Variants in EPSTI1 observed in about 807,000 individuals in gnomAD.
EPSTI1 encodes epithelial stromal interaction 1.
Under a neutral mutation model 49.9 loss-of-function variants are expected in EPSTI1, and 66 were observed. That is an observed-to-expected ratio of 1.32 (90% confidence interval 1.08 to 1.62). The LOEUF (loss-of-function observed/expected upper bound fraction) is 1.62. Ranked by LOEUF, EPSTI1 falls within the 40% of genes most tolerant of loss-of-function variation. The pLI, the probability that EPSTI1 is intolerant of heterozygous loss-of-function variation, is 0.00. For synonymous variants in EPSTI1, 137 were observed against 130.7 expected, an observed-to-expected ratio of 1.05 and a Z score of -0.33; for missense variants, 394 against 365.5, an observed-to-expected ratio of 1.08 and a Z score of -0.64.
At position 42,922,719 on chromosome 13, in the gene EPSTI1, T is replaced by G. The variant is rs762512505; in HGVS notation, c.657+3617A>C. Among the ~76,000 whole-genome samples the G allele has an allele frequency of 5.3e-5, 8 of 152,094 alleles. No homozygotes were observed. Among genetic ancestry groups the G allele is most frequent in the Non-Finnish European group, 1.0e-4 (7 of 68,014 alleles). ...GCAAAGGGACACATGTTAAGTACTT[T>G]ATTTGACTTCTTAATGAATGAGCAT... On this transcript the variant is annotated intron_variant, in intron 7 of 10. Transcript: ENST00000313624. This position sits in a 1 kb window ranked among gnomAD's most constrained non-coding sequence, Gnocchi z 4.8.
intron 8 of EPSTI1, among the ~76,000 whole-genome samples, chr13:42,915,249 T>C (rs954053561): frequency 6.6e-6 from 1 of 152,198 alleles, no homozygotes; most frequent in Non-Finnish European, 1.5e-5. Flanking sequence ...GAAATGCCTT[T>C]GGCCAGGTGC....
intron 4 of EPSTI1, 95 bp downstream of exon 4, chr13:42,963,971 C>A (rs2039534680): frequency 8.8e-7 from 1 of 1,131,314 alleles, no homozygotes; most frequent in Admixed American, 2.7e-5. Flanking sequence ...AGGTTTTATA[C>A]TTTTGGTAAA....
At chr13:42,986,855 G>A (rs534954061) in intron 1 of EPSTI1, among the ~76,000 whole-genome samples, 26 of 151,062 alleles carry the variant, frequency 1.7e-4, no homozygotes, top group Admixed American at 7.3e-4. Flanking sequence ...AATCAATTAT[G>A]CCTAGGTAAT....
chr13:42,889,089 T>C, intron 10 of EPSTI1: 1 of 792,960 alleles, frequency 1.3e-6, no homozygotes, highest in Non-Finnish European at 2.1e-6. Context: ...GCCTCATTGG[T>C]CATAGGAAAT....
At chr13:42,987,184 T>C (rs1262768035) in intron 1 of EPSTI1, among the ~76,000 whole-genome samples, 1 of 152,076 alleles carries the variant, frequency 6.6e-6, no homozygotes, top group Non-Finnish European at 1.5e-5. Flanking sequence ...GGAGACTCCA[T>C]TTGCAGCTAG....
intron 6 of EPSTI1, among the ~76,000 whole-genome samples, chr13:42,932,969 T>A (rs1255615469): frequency 1.3e-5 from 2 of 152,176 alleles, no homozygotes; most frequent in African/African-American, 2.4e-5. Context: ...AAAGTAACTA[T>A]CCATTACCCA....
At chr13:42,955,877 T>TTG (rs372278878) in intron 5 of EPSTI1, among the ~76,000 whole-genome samples, 1,917 of 105,424 alleles carry the variant, frequency 0.018, 134 homozygotes, top group African/African-American at 0.079. Context: ...AAGAAGTATT[T>TTG]GGGGGGGGGG....
At chr13:42,934,470 T>C (rs531589389) in intron 6 of EPSTI1, 1 of 152,762 alleles carries the variant, frequency 6.5e-6, no homozygotes, top group Non-Finnish European at 1.5e-5. Flanking sequence ...GCCATGGCCA[T>C]TGTGAGCACT....
At chr13:42,894,758 A>T (rs1468645842) in intron 10 of EPSTI1, among the ~76,000 whole-genome samples, 2 of 151,654 alleles carry the variant, frequency 1.3e-5, no homozygotes, top group African/African-American at 4.9e-5. Context: ...CCAGGCAATC[A>T]TGCTGAGAAC....
At chr13:42,924,460 G>C (rs1199386528) in intron 7 of EPSTI1, among the ~76,000 whole-genome samples, 18 of 152,164 alleles carry the variant, frequency 1.2e-4, no homozygotes, top group Admixed American at 1.2e-3. Flanking sequence ...AATCAATAGA[G>C]CAGCACACGC....
rs527708132 is a variant in EPSTI1 at position 42,903,963 on chromosome 13, C to T, written c.742-3580G>A. ...ACTGTTAATGAATGTTTAGGATATGCATAGGCTAATTCAATTTTCATTTAT... is the reference window on the plus strand; with the variant it reads ...ACTGTTAATGAATGTTTAGGATATGTATAGGCTAATTCAATTTTCATTTAT... On this transcript the variant is annotated intron_variant, in intron 8 of 10. Coordinates refer to ENST00000313624, the MANE Select transcript of EPSTI1 (RefSeq NM_033255.5). Among the ~76,000 whole-genome samples the T allele has an allele frequency of 4.6e-5, 7 of 152,274 alleles. 1 individual carries two copies. In the South Asian group the frequency reaches 1.2e-3, roughly 27 times the overall value.
At chr13:42,914,533 C>T (rs2037776812) in intron 8 of EPSTI1, among the ~76,000 whole-genome samples, 2 of 152,056 alleles carry the variant, frequency 1.3e-5, no homozygotes, top group Admixed American at 1.3e-4. Context: ...ACTGTATGTT[C>T]AGAAGGGATT....
intron 1 of EPSTI1, among the ~76,000 whole-genome samples, chr13:42,983,891 TAGTCTCTC>T (rs2040033399): frequency 6.6e-6 from 1 of 152,232 alleles, no homozygotes; most frequent in Non-Finnish European, 1.5e-5. Context: ...ATTTTGGTTT[TAGTCTCTC>T]AGGGGTACCC....
intron 10 of EPSTI1, chr13:42,889,273 T>C: frequency 1.5e-6 from 2 of 1,319,846 alleles, no homozygotes; most frequent in Non-Finnish European, 2.1e-6. Context: ...ATTTTTTACA[T>C]ATAAAAGCAA....
chr13:42,898,629 T>G (rs2037265115), intron 9 of EPSTI1, among the ~76,000 whole-genome samples: 1 of 63,442 alleles, frequency 1.6e-5, no homozygotes, highest in African/African-American at 4.8e-5. Flanking sequence ...TATTTAGGTA[T>G]TCAGTAGTAT....
intron 6 of EPSTI1, among the ~76,000 whole-genome samples, chr13:42,943,774 C>T (rs538982417): frequency 7.2e-5 from 11 of 152,258 alleles, no homozygotes; most frequent in Admixed American, 3.9e-4. Context: ...ATCTATCCAC[C>T]TGACAAAGGG....
chr13:42,928,368 T>C (rs757847448), intron 6 of EPSTI1, among the ~76,000 whole-genome samples: 6 of 152,154 alleles, frequency 3.9e-5, no homozygotes, highest in Non-Finnish European at 5.9e-5. Context: ...TAGAACCTGT[T>C]TGAGGGGCAA....
At chr13:42,914,794 A>G (rs2037784303) in intron 8 of EPSTI1, among the ~76,000 whole-genome samples, 1 of 152,222 alleles carries the variant, frequency 6.6e-6, no homozygotes, top group African/African-American at 2.4e-5. Context: ...TTCATGACCT[A>G]CTGTCACCAA....
At position 42,916,357 on chromosome 13, in the gene EPSTI1, G is replaced by A. The variant is rs192463947; in HGVS notation, c.741+1184C>T. Reference sequence around the variant, plus strand: ...AGCTAAATAAGTAAATTTACAACTCGCATGATTTCTTTCAATGATTTAATG... The same window carrying A: ...AGCTAAATAAGTAAATTTACAACTCACATGATTTCTTTCAATGATTTAATG... On this transcript the variant is annotated intron_variant, in intron 8 of 10. Transcript: ENST00000313624. Among the ~76,000 whole-genome samples, 320 of 151,500 alleles carry A rather than the reference G, an allele frequency of 2.1e-3. 2 individuals are homozygous for A. The highest frequency in any genetic ancestry group is 0.01 in the Middle Eastern group (3 of 290).
Sources: allele counts gnomAD v4.1 joint callset (sites outside exome capture counted in the v4.1 genomes callset), GRCh38; gene constraint gnomAD v4.1.1; non-coding constraint Gnocchi (gnomAD v3.1); transcripts MANE v1.5; gene names NCBI Gene and HGNC (gene_info 2026-07-23, HGNC 2026-07-21).